The following ZNF831 variants were observed in gnomAD, a reference collection of about 807,000 sequenced individuals.
The protein encoded by ZNF831 is chromosome 20 open reading frame 174.
In ZNF831, 59 loss-of-function variants were observed where a neutral mutation model predicts 95.8. The observed-to-expected ratio is 0.62, with a 90% confidence interval of 0.50 to 0.77. The LOEUF is 0.77. ZNF831 is among the 30% of genes least tolerant of loss of function. The pLI is 0.00. For missense variants in ZNF831, 2,205 were observed against 2,164.0 expected, an observed-to-expected ratio of 1.02 and a Z score of -0.38; for synonymous variants, 961 against 925.5, an observed-to-expected ratio of 1.04 and a Z score of -0.70.
chr20:59,154,700 A>T (rs1980433512), intron 2 of ZNF831, among the ~76,000 whole-genome samples: 1 of 152,160 alleles, frequency 6.6e-6, no homozygotes, highest in Non-Finnish European at 1.5e-5. Context: ...CTTTGTGGGG[A>T]CCCTGACAAC....
intron 3 of ZNF831, among the ~76,000 whole-genome samples, chr20:59,201,149 G>C (rs1018064538): frequency 6.6e-6 from 1 of 152,046 alleles, no homozygotes; most frequent in Non-Finnish European, 1.5e-5. Context: ...CACTTGGTAT[G>C]GTAATTTTTT....
At chr20:59,238,657 C>T (rs925848834) in intron 4 of ZNF831, among the ~76,000 whole-genome samples, 6 of 152,230 alleles carry the variant, frequency 3.9e-5, no homozygotes, top group African/African-American at 1.2e-4. Flanking sequence ...GTGAGGGAGA[C>T]AGCATCAAAG....
intron 2 of ZNF831, among the ~76,000 whole-genome samples, chr20:59,147,386 G>A (rs1303075398): frequency 1.3e-5 from 2 of 152,208 alleles, no homozygotes; most frequent in Admixed American, 1.3e-4. Flanking sequence ...GTCCTTTGGG[G>A]TCTGGTCTCT....
intron 1 of ZNF831, among the ~76,000 whole-genome samples, chr20:59,172,631 C>T (rs1396378525): frequency 6.6e-6 from 1 of 152,144 alleles, no homozygotes; most frequent in Non-Finnish European, 1.5e-5. Flanking sequence ...GCCAGGGAAG[C>T]TCCAGCATTC....
At chr20:59,168,201 G>A (rs1981437204) in intron 1 of ZNF831, among the ~76,000 whole-genome samples, 1 of 152,152 alleles carries the variant, frequency 6.6e-6, no homozygotes, top group Admixed American at 6.5e-5. Flanking sequence ...TTTTTACTAT[G>A]TTGAATCTTC....
chr20:59,182,765 T>C (rs993964647), intron 1 of ZNF831, among the ~76,000 whole-genome samples: 3 of 152,212 alleles, frequency 2.0e-5, no homozygotes, highest in Non-Finnish European at 2.9e-5. Context: ...AGGCAAAACA[T>C]ATTTTGTCAC....
At chr20:59,135,339 C>A (rs1009738231) in intron 1 of ZNF831, among the ~76,000 whole-genome samples, 12 of 152,128 alleles carry the variant, frequency 7.9e-5, no homozygotes, top group African/African-American at 2.9e-4. Context: ...GGAATCCCAG[C>A]ACTTTGGAGG....
upstream of ZNF831, among the ~76,000 whole-genome samples, chr20:59,158,938 G>A (rs187422698): frequency 2.4e-4 from 37 of 152,226 alleles, no homozygotes; most frequent in Admixed American, 2.4e-3. Context: ...CAGACTTTAT[G>A]TGCACGTCAC....
chr20:59,257,559 TA>T lies in ZNF831; in HGVS notation c.*2821del, dbSNP rs940044776. 8 of 152,222 alleles carry T rather than the reference TA, an allele frequency of 5.3e-5. No homozygotes were observed. Among genetic ancestry groups the T allele is most frequent in the African/African-American group, 1.9e-4 (8 of 41,466 alleles). The allele number at this position is 152,222 out of a possible 1,614,324, so 9.4% of individuals were successfully genotyped here. On this transcript the variant is annotated 3_prime_UTR_variant, in exon 6 of 6. Coordinates refer to ENST00000371030, the MANE Select transcript of ZNF831 (RefSeq NM_178457.3). ...CAACCTAGAACCCAGTTTGGGTTAC[TA>T]AAAATAAAATGTCAGTATTATCAAT...
rs2146761403 is a variant in ZNF831, at chr20:59,253,935, C to G, written c.4226C>G (p.Thr1409Ser). ...SPSAGEHGDC[T>S]THSTAATSGL... ...TCTGCTGGTGAGCATGGTGACTGTA[C>G]TACTCACAGCACTGCTGCCACATCA... Residue 1409 changes from threonine to serine, a missense_variant, in exon 6 of 6, where the codon ACT (threonine) becomes AGT (serine). By Grantham distance (58) the Thr-to-Ser change is moderately conservative. Coordinates refer to ENST00000371030, the MANE Select transcript of ZNF831 (RefSeq NM_178457.3). 6.7e-7 allele frequency: 1 copy of G among 1,486,358 alleles called. No homozygotes were observed. Among genetic ancestry groups the G allele is most frequent in the Non-Finnish European group, 9.0e-7 (1 of 1,112,602 alleles). 92.1% of individuals were successfully genotyped at this position (1,486,358 alleles called of 1,614,324 possible). A position where few individuals can be genotyped will look rare whatever the true frequency, so the allele number is the denominator to read the frequency against.
chr20:59,220,553 C>T (rs956425311), intron 4 of ZNF831, among the ~76,000 whole-genome samples: 2 of 152,234 alleles, frequency 1.3e-5, no homozygotes, highest in Non-Finnish European at 2.9e-5. Context: ...TCTCCAGCCT[C>T]TTGATCATGC....
intron 4 of ZNF831, among the ~76,000 whole-genome samples, chr20:59,239,160 C>G (rs935095794): frequency 6.6e-6 from 1 of 152,138 alleles, no homozygotes; most frequent in South Asian, 2.1e-4. Context: ...CTTCCCCTTT[C>G]TCCACATTGA....
chr20:59,231,361 A>G (rs535441193), intron 4 of ZNF831, among the ~76,000 whole-genome samples: 8 of 152,332 alleles, frequency 5.3e-5, no homozygotes, highest in East Asian at 3.9e-4. Flanking sequence ...TTTCCTTAGA[A>G]AGACTAATTT....
At chr20:59,127,496 G>T (rs1251008286) in intron 1 of ZNF831, among the ~76,000 whole-genome samples, 1 of 152,146 alleles carries the variant, frequency 6.6e-6, no homozygotes, top group African/African-American at 2.4e-5. Context: ...GCCCCACGGG[G>T]CTCCCTGCTC....
At position 59,257,038 on chromosome 20, in the gene ZNF831, C is replaced by G. The variant is rs1014902188; in HGVS notation, c.*2295C>G. 1 of 152,124 alleles carries G rather than the reference C, an allele frequency of 6.6e-6. No individual in the cohort carries two copies. 9.4% of individuals were successfully genotyped at this position (152,124 alleles called of 1,614,324 possible). A position where few individuals can be genotyped will look rare whatever the true frequency, so the allele number is the denominator to read the frequency against. Reference sequence around the variant, plus strand: ...CCTTTCTGGGTGGCTACTGTGGAATCAACGGGGTCACTGGCTGTAAATCAG... The same window carrying G: ...CCTTTCTGGGTGGCTACTGTGGAATGAACGGGGTCACTGGCTGTAAATCAG... On this transcript the variant is annotated 3_prime_UTR_variant, in exon 6 of 6. Coordinates refer to ENST00000371030, the MANE Select transcript of ZNF831 (RefSeq NM_178457.3).
chr20:59,198,953 G>A (rs1223423670), intron 3 of ZNF831, among the ~76,000 whole-genome samples: 6 of 152,158 alleles, frequency 3.9e-5, no homozygotes, highest in Non-Finnish European at 4.4e-5. Context: ...AGGCATGGAC[G>A]TCTTTGAGGG....
In ZNF831 at chr20:59,172,887, A is replaced by G. The variant is rs147707517; in HGVS notation, c.-37+8680A>G. ...TGCTGACATATTAGCCAGGGCGTTCAGCTCTTCTGGTGTGTGAGCCATTTC... is the reference window on the plus strand; with the variant it reads ...TGCTGACATATTAGCCAGGGCGTTCGGCTCTTCTGGTGTGTGAGCCATTTC... On this transcript the variant is annotated intron_variant, in intron 1 of 5. Coordinates refer to ENST00000371030, the MANE Select transcript of ZNF831 (RefSeq NM_178457.3). Among the ~76,000 whole-genome samples, 3 of 152,290 alleles carry G rather than the reference A, an allele frequency of 2.0e-5. No individual in the cohort carries two copies. In the East Asian group the frequency reaches 5.8e-4, roughly 29 times the overall value.
At chr20:59,236,918 A>G (rs1475654774) in intron 4 of ZNF831, among the ~76,000 whole-genome samples, 1 of 152,188 alleles carries the variant, frequency 6.6e-6, no homozygotes, top group Non-Finnish European at 1.5e-5. Flanking sequence ...AGTTATGAGC[A>G]TAACAAAACT....
intron 3 of ZNF831, among the ~76,000 whole-genome samples, chr20:59,197,919 A>G (rs991065576): frequency 1.3e-4 from 20 of 152,248 alleles, no homozygotes; most frequent in African/African-American, 4.8e-4. Context: ...TATCTCACCA[A>G]TAAGGAGGAA....
Sources: gnomAD v4.1 joint callset for allele counts (sites outside exome capture counted in the v4.1 genomes callset) on GRCh38, gnomAD v4.1.1 for gene constraint, MANE v1.5 for transcripts, NCBI Gene and HGNC (gene_info 2026-07-23, HGNC 2026-07-21) for gene names.